GOLGB1: variants seen among roughly 807,000 people sequenced by gnomAD.
GOLGB1 encodes golgin subfamily B member 1.
In GOLGB1, 174 loss-of-function variants were observed where a neutral mutation model predicts 336.9. That is an observed-to-expected ratio of 0.52 (90% CI 0.46 to 0.59). The LOEUF is 0.59. Ranked by LOEUF, GOLGB1 falls within the 20% of genes least tolerant of loss-of-function variation. GOLGB1 has a pLI of 0.00. For missense variants in GOLGB1, 3,331 were observed against 3,645.3 expected (o/e 0.91, Z 2.22); for synonymous variants, 1,208 against 1,289.2 (o/e 0.94, Z 1.35).
In GOLGB1 at chr3:121,697,276, T is replaced by C; in HGVS notation, c.3247A>G (p.Lys1083Glu). Residue 1083 changes from lysine (K) to glutamate (E), a missense_variant, in exon 13 of 22, where the codon AAG becomes GAG. Transcript: ENST00000614479. ...GCTGCCAGCTTTTCTTCCAAATCCT[T>C]CCTTATATGCTGTAGTTCCACTTCT... ...EKEVELQHIR[K>E]DLEEKLAAEE... is the part of the protein sequence containing the mutation. The C allele has an allele frequency of 6.2e-7, 1 of 1,614,064 alleles. No homozygotes were observed. The highest frequency in any genetic ancestry group is 8.5e-7 in the Non-Finnish European group (1 of 1,179,942).
At position 121,718,648 on chromosome 3, in the gene GOLGB1, T is replaced by TC. The variant is rs529840007; in HGVS notation, c.772-148dup. 39 of 608,696 alleles carry TC rather than the reference T, an allele frequency of 6.4e-5. 1 individual carries two copies. The highest frequency in any genetic ancestry group is 5.9e-4 in the South Asian group (29 of 49,456). The allele number at this position is 608,696 out of a possible 1,614,324, so 37.7% of individuals were successfully genotyped here. A position where few individuals can be genotyped will look rare whatever the true frequency, so the allele number is the denominator to read the frequency against. On this transcript the variant is annotated intron_variant, in intron 7 of 21. Coordinates refer to ENST00000614479, the MANE Select transcript of GOLGB1 (RefSeq NM_001366282.2). Reference sequence around the variant, plus strand: ...AGAGTGGGAGACCAGCATGCCATGCTCCCCCCATCCAGCAGCAACGAAGAG... The same window carrying TC: ...AGAGTGGGAGACCAGCATGCCATGCTCCCCCCCATCCAGCAGCAACGAAGAG...
chr3:121,715,821 T>A (rs1944723048), intron 9 of GOLGB1, among the ~76,000 whole-genome samples: 1 of 151,970 alleles, frequency 6.6e-6, no homozygotes, highest in African/African-American at 2.4e-5. Flanking sequence ...GGAGAAGCCC[T>A]GTCTCTACTA....
chr3:121,672,201 C>A (rs1425017845), intron 17 of GOLGB1, among the ~76,000 whole-genome samples: 3 of 152,178 alleles, frequency 2.0e-5, no homozygotes, highest in Non-Finnish European at 1.5e-5. Flanking sequence ...TTTGAGATAC[C>A]TCCATACTGT....
At chr3:121,671,570 A>G (rs1010212792) in intron 17 of GOLGB1, among the ~76,000 whole-genome samples, 1 of 152,240 alleles carries the variant, frequency 6.6e-6, no homozygotes, top group African/African-American at 2.4e-5. Context: ...ATATATTCAT[A>G]TAATTTGTAA....
Position 121,697,705 on chromosome 3 carries a change from G to T in GOLGB1, c.2818C>A (p.Leu940Ile), listed in dbSNP as rs1449365950. The change falls in exon 13 of 22, where the codon CTA (leucine) becomes ATA (isoleucine). Residue 940 changes from leucine to isoleucine, a missense_variant. Coordinates refer to ENST00000614479, the MANE Select transcript of GOLGB1 (RefSeq NM_001366282.2). ...GVEIKTLKEQ[L>I]NLLSRAEEAK... is the part of the protein sequence containing the mutation. ...TCCTCAGCTCTGGATAATAAATTTA[G>T]CTGTTCTTTAAGAGTCTTAATTTCA... 6.2e-7 allele frequency: 1 copy of T among 1,613,600 alleles called. No individual in the cohort carries two copies. The highest frequency in any genetic ancestry group is 1.7e-5 in the Admixed American group (1 of 59,988).
At chr3:121,746,703 CT>C (rs1947312932) in intron 1 of GOLGB1, among the ~76,000 whole-genome samples, 1 of 152,136 alleles carries the variant, frequency 6.6e-6, no homozygotes, top group African/African-American at 2.4e-5. Context: ...TGGTCTCAAA[CT>C]CCTGACTCCA....
chr3:121,717,481 A>C (rs1944871438), intron 8 of GOLGB1, among the ~76,000 whole-genome samples: 1 of 152,244 alleles, frequency 6.6e-6, no homozygotes, highest in Non-Finnish European at 1.5e-5. Flanking sequence ...TATAGGACAC[A>C]GAAAGGAGCA....
At chr3:121,731,005 G>T (rs750533104) in intron 1 of GOLGB1, 32 bp from the exon 2 acceptor site, 12 of 1,599,016 alleles carry the variant, frequency 7.5e-6, no homozygotes, top group South Asian at 1.1e-5. Flanking sequence ...AAAAACCTAA[G>T]AATCAGCAAA....
In GOLGB1 at chr3:121,698,309, G is replaced by A. The variant is rs1446883443; in HGVS notation, c.2214C>T (p.Asp738=). The change falls in exon 13 of 22, where the codon GAC becomes GAT. Residue 738 remains aspartate (D), a synonymous_variant. Coordinates refer to ENST00000614479, the MANE Select transcript of GOLGB1 (RefSeq NM_001366282.2). ...AAGCAGTGAATGCACTGCTGTTGTT[G>A]TCAGCATTTTTCTTAAACTCCTCAA... ...QLIEEFKKNA[D]NNSSAFTALS... 6.2e-7 allele frequency: 1 copy of A among 1,613,802 alleles called. No homozygotes were observed. The highest frequency in any genetic ancestry group is 1.3e-5 in the African/African-American group (1 of 74,900).
chr3:121,705,734 G>C (rs997697934), intron 10 of GOLGB1, among the ~76,000 whole-genome samples: 17 of 152,238 alleles, frequency 1.1e-4, no homozygotes, highest in Admixed American at 1.0e-3. Context: ...ACATGAATGT[G>C]AGGAAAGCAT....
At position 121,690,932 on chromosome 3, in the gene GOLGB1, A is replaced by G; in HGVS notation, c.8432T>C (p.Leu2811Pro). ...ATCTTTGGATAGGAGCTGTTGGTTA[A>G]GTTTCTCAAGGTGAGACAAGCTATT... ...EENSLSHLEKLNQQLLSKDEQ... is the reference protein window; with the variant it reads ...EENSLSHLEKPNQQLLSKDEQ... Residue 2811 changes from leucine to proline, a missense_variant, in exon 14 of 22, where the codon CTT becomes CCT. Physicochemically the swap from Leu to Pro is moderately conservative, Grantham distance 98. Coordinates refer to ENST00000614479, the MANE Select transcript of GOLGB1 (RefSeq NM_001366282.2). The G allele has an allele frequency of 1.9e-6, 3 of 1,614,250 alleles. No homozygotes were observed. The highest frequency in any genetic ancestry group is 2.5e-6 in the Non-Finnish European group (3 of 1,180,034).
rs372895410 is a variant in GOLGB1, at chr3:121,698,156, A to G, written c.2367T>C (p.Tyr789=). 3 of 1,613,828 alleles carry G rather than the reference A, an allele frequency of 1.9e-6. No homozygotes were observed. Residue 789 remains tyrosine (Y), a synonymous_variant, in exon 13 of 22, where the codon TAT becomes TAC. Coordinates refer to ENST00000614479, the MANE Select transcript of GOLGB1 (RefSeq NM_001366282.2). The part of the protein sequence containing the change: ...AEAERQRRLD[Y]ESQTAHDNLL... ...GGTTGTCATGGGCAGTTTGGCTTTCATAATCAAGTCTTCTTTGCCTTTCTG... is the reference window on the plus strand; with the variant it reads ...GGTTGTCATGGGCAGTTTGGCTTTCGTAATCAAGTCTTCTTTGCCTTTCTG...
chr3:121,724,562 CAA>C (rs34839183), intron 5 of GOLGB1, among the ~76,000 whole-genome samples: 3 of 135,064 alleles, frequency 2.2e-5, no homozygotes. Context: ...GAAAACAGAG[CAA>C]AAAAAAAAAA....
chr3:121,748,864 A>G (rs1352159219), intron 1 of GOLGB1: 2 of 983,470 alleles, frequency 2.0e-6, no homozygotes, highest in Admixed American at 6.1e-5. Context: ...AATAAGTCAG[A>G]CAAATATATT....
chr3:121,697,118 C>T lies in GOLGB1; in HGVS notation c.3405G>A (p.Thr1135=), dbSNP rs756957294. 30 of 1,613,952 alleles carry T rather than the reference C, an allele frequency of 1.9e-5. No homozygotes were observed. Among genetic ancestry groups the T allele is most frequent in the African/African-American group, 8.0e-5 (6 of 74,892 alleles). The change falls in exon 13 of 22, where the codon ACG becomes ACA. Residue 1135 remains threonine (T), a synonymous_variant. Transcript: ENST00000614479. The part of the protein sequence containing the change: ...AIIQKLITSN[T]DASDGDSVAL... ...CTACGGAGTCCCCATCACTTGCATC[C>T]GTGTTACTTGTGATTAACTTCTGGA...
Position 121,696,095 on chromosome 3 carries a change from A to C in GOLGB1, c.4428T>G (p.Ile1476Met). Residue 1476 changes from isoleucine to methionine, a missense_variant, in exon 13 of 22, where the codon ATT becomes ATG. Transcript: ENST00000614479. ...LCEMKQKPEE[I>M]GEESRAKQQI... is the part of the protein sequence containing the mutation. ...GTTGCTTTGCTCTACTTTCTTCTCC[A>C]ATCTCTTCTGGTTTTTGCTTCATTT... is the stretch of plus-strand genomic sequence containing the variant. 1 of 1,613,780 alleles carries C rather than the reference A, an allele frequency of 6.2e-7. No individual in the cohort carries two copies. Among genetic ancestry groups the C allele is most frequent in the Non-Finnish European group, 8.5e-7 (1 of 1,179,930 alleles).
chr3:121,667,955 A>G, intron 19 of GOLGB1, 106 bp downstream of exon 19: 1 of 617,046 alleles, frequency 1.6e-6, no homozygotes, highest in Non-Finnish European at 2.9e-6. Context: ...CTAATAAGAT[A>G]ACAAGACATA....
intron 1 of GOLGB1, among the ~76,000 whole-genome samples, chr3:121,731,911 T>C (rs1324275328): frequency 6.6e-6 from 1 of 151,620 alleles, no homozygotes; most frequent in Non-Finnish European, 1.5e-5. Flanking sequence ...ATCAATAAAA[T>C]TGATAAAACT....
intron 14 of GOLGB1, among the ~76,000 whole-genome samples, chr3:121,688,175 CCT>C (rs923248250): frequency 2.0e-5 from 3 of 151,666 alleles, no homozygotes; most frequent in African/African-American, 7.3e-5. Flanking sequence ...TCTCCCTCTC[CCT>C]CTCTCTCTCC....
Sources: allele counts gnomAD v4.1 joint callset (sites outside exome capture counted in the v4.1 genomes callset), GRCh38; gene constraint gnomAD v4.1.1; transcripts MANE v1.5; gene names NCBI Gene and HGNC (gene_info 2026-07-23, HGNC 2026-07-21).